Variants in ARL2BP observed in about 807,000 individuals in gnomAD.
The protein encoded by ARL2BP is ARF like GTPase 2 binding protein.
In ARL2BP, 19 loss-of-function variants were observed where a neutral mutation model predicts 24.2. That is an observed-to-expected ratio of 0.79 (90% CI 0.55 to 1.15). The LOEUF is 1.15. ARL2BP is among the 50% of genes most tolerant of loss of function. The pLI, the probability that ARL2BP is intolerant of heterozygous loss-of-function variation, is 0.00. For synonymous variants in ARL2BP, 56 were observed against 70.5 expected (o/e 0.79, Z 1.03); for missense variants, 160 against 190.4 (o/e 0.84, Z 0.94).
chr16:57,245,828 A>G (rs913747977), intron 1 of ARL2BP: 3 of 561,816 alleles, frequency 5.3e-6, no homozygotes, highest in African/African-American at 3.8e-5. Context: ...GGTGATAGCT[A>G]AGAGCCTGGA....
intron 2 of ARL2BP, chr16:57,247,261 T>G (rs1809506365): frequency 1.3e-5 from 2 of 152,256 alleles, no homozygotes; most frequent in Admixed American, 6.5e-5. Flanking sequence ...CATTCAGTTC[T>G]CTTGCCTATT....
rs756180286 is a variant in ARL2BP at position 57,245,366 on chromosome 16, C to A, written c.-2C>A. The A allele has an allele frequency of 8.7e-6, 14 of 1,606,256 alleles. No homozygotes were observed. In the South Asian group the frequency reaches 1.2e-4, roughly 14 times the overall value. Reference sequence around the variant, plus strand: ...GGTTGGAGCCTACTCGGGGCGACTGCGATGGACGCCTTAGAAGGAGAGAGC... The same window carrying A: ...GGTTGGAGCCTACTCGGGGCGACTGAGATGGACGCCTTAGAAGGAGAGAGC... On this transcript the variant is annotated 5_prime_UTR_variant, in exon 1 of 6. An upstream open reading frame in the 5' UTR gains an earlier in-frame stop. Transcript: ENST00000219204.
rs764813306 is a variant in ARL2BP, at chr16:57,249,833, G to C, written c.274G>C (p.Ala92Pro). The C allele has an allele frequency of 1.5e-5, 24 of 1,614,148 alleles. No individual in the cohort carries two copies. Among genetic ancestry groups the C allele is most frequent in the Non-Finnish European group, 2.0e-5 (24 of 1,179,970 alleles). The stretch of plus-strand genomic sequence containing the variant: ...GCGGATTCCTGAGTTCAACATGGCA[G>C]CCTTCACCACAACATTACAGTGAGT... Reference protein sequence around the residue: ...LQRIPEFNMAAFTTTLQHHKD... With the variant: ...LQRIPEFNMAPFTTTLQHHKD... Residue 92 changes from alanine (A) to proline (P), a missense_variant, in exon 4 of 6, where the codon GCC becomes CCC. Physicochemically the swap from Ala to Pro is conservative, Grantham distance 27. Transcript: ENST00000219204.
intron 5 of ARL2BP, chr16:57,251,384 G>C (rs554870139): frequency 2.0e-4 from 31 of 151,748 alleles, no homozygotes; most frequent in African/African-American, 7.3e-4. Flanking sequence ...CTGGGTGACA[G>C]AGTCAGACCC....
rs1410007413 is a variant in ARL2BP at position 57,246,751 on chromosome 16, C to A, written c.100+610C>A. 5.3e-5 allele frequency among the ~76,000 whole-genome samples: 8 copies of A among 152,178 alleles called. 1 individual carries two copies. The highest frequency in any genetic ancestry group is 7.3e-5 in the Non-Finnish European group (5 of 68,036). On this transcript the variant is annotated intron_variant, in intron 2 of 5. Transcript: ENST00000219204. ...CCTGGGAGGTGGAGCTTGCAGTGAT[C>A]CGAGATCGTGCCACTTCACTCCAGC... is the stretch of plus-strand genomic sequence containing the variant.
rs80060722 is a variant in ARL2BP, at chr16:57,252,077, C to G, written c.391-89C>G. The G allele has an allele frequency of 2.7e-3, 3,145 of 1,151,536 alleles. 64 individuals are homozygous for G. The African/African-American group carries it at 0.043, about 16-fold the overall frequency. 71.3% of individuals were successfully genotyped at this position (1,151,536 alleles called of 1,614,324 possible). A position where few individuals can be genotyped will look rare whatever the true frequency, so the allele number is the denominator to read the frequency against. On this transcript the variant is annotated intron_variant, in intron 5 of 5. Coordinates refer to ENST00000219204, the MANE Select transcript of ARL2BP (RefSeq NM_012106.4). ...CTATGTACTCTGGAGGTCCACGTTC[C>G]CACCTTCAGCTCTGCCTTCCCCATG... is the stretch of plus-strand genomic sequence containing the variant.
chr16:57,245,823 TAGCTA>T, intron 1 of ARL2BP: 1 of 559,590 alleles, frequency 1.8e-6, no homozygotes, highest in Non-Finnish European at 3.2e-6. Context: ...TATGGGGTGA[TAGCTA>T]AGAGCCTGGA....
At chr16:57,249,643 C>A (rs1018555948) in intron 3 of ARL2BP, 124 bp from the exon 4 acceptor site, 7 of 734,822 alleles carry the variant, frequency 9.5e-6, no homozygotes, top group Non-Finnish European at 1.7e-5. Flanking sequence ...GTATCCTTGG[C>A]ACTCAGTGTA....
intron 2 of ARL2BP, among the ~76,000 whole-genome samples, chr16:57,246,798 C>T (rs1481298139): frequency 6.6e-6 from 1 of 152,070 alleles, no homozygotes; most frequent in African/African-American, 2.4e-5. Context: ...AGCGAGACTC[C>T]GTCTGGAAAA....
chr16:57,247,458 G>A (rs2075393782), intron 2 of ARL2BP: 1 of 152,026 alleles, frequency 6.6e-6, no homozygotes. Flanking sequence ...GCCAGCGCAG[G>A]TGGATTGCTT....
chr16:57,252,300 T>G lies in ARL2BP; in HGVS notation c.*33T>G, dbSNP rs374786028. ...CTCCAGCCAATGAATGGGATCATTC[T>G]GGATGTCACCAGCCCAATAGGCTCA... On this transcript the variant is annotated 3_prime_UTR_variant, in exon 6 of 6. Coordinates refer to ENST00000219204, the MANE Select transcript of ARL2BP (RefSeq NM_012106.4). 3 of 1,614,196 alleles carry G rather than the reference T, an allele frequency of 1.9e-6. No individual in the cohort carries two copies. In the African/African-American group the frequency reaches 4.0e-5, roughly 22 times the overall value.
At position 57,252,398 on chromosome 16, in the gene ARL2BP, T is replaced by C; in HGVS notation, c.*131T>C. On this transcript the variant is annotated 3_prime_UTR_variant, in exon 6 of 6. Transcript: ENST00000219204. ...ACTCTTCATTTATGTTAAGTATTAA[T>C]AGGTCAAAACCAAAATGACCTAACC... 2 of 1,540,172 alleles carry C rather than the reference T, an allele frequency of 1.3e-6. No individual in the cohort carries two copies. The highest frequency in any genetic ancestry group is 1.2e-5 in the South Asian group (1 of 84,324).
chr16:57,245,498 G>A (rs2075387308), intron 1 of ARL2BP, 93 bp downstream of exon 1: 15 of 1,451,282 alleles, frequency 1.0e-5, no homozygotes, highest in Non-Finnish European at 1.4e-5. Context: ...TGTCCTTAGG[G>A]GCCGGGCCGG....
At chr16:57,250,809 CTT>C (rs2075405202) in intron 5 of ARL2BP, 2 of 307,930 alleles carry the variant, frequency 6.5e-6, no homozygotes, top group Non-Finnish European at 6.1e-6. Flanking sequence ...GAGTTTTGCT[CTT>C]GTCACCCAGG....
intron 5 of ARL2BP, 196 bp from the exon 6 acceptor site, chr16:57,251,970 A>AAAT: frequency 1.8e-6 from 1 of 542,526 alleles, no homozygotes; most frequent in South Asian, 2.3e-5. Context: ...ACCTCTTTAA[A>AAAT]AATAATATTA....
Position 57,245,286 on chromosome 16 carries a change from A to G in ARL2BP, c.-82A>G. On this transcript the variant is annotated 5_prime_UTR_variant, in exon 1 of 6. Coordinates refer to ENST00000219204, the MANE Select transcript of ARL2BP (RefSeq NM_012106.4). ...TGAGCTGGCCGCGGCCTTGGCTGAGAGGCCTTAACCCCGCCGGGCGGCCGC... is the reference window on the plus strand; with the variant it reads ...TGAGCTGGCCGCGGCCTTGGCTGAGGGGCCTTAACCCCGCCGGGCGGCCGC... 1 of 1,522,360 alleles carries G rather than the reference A, an allele frequency of 6.6e-7. No homozygotes were observed. The highest frequency in any genetic ancestry group is 1.2e-5 in the South Asian group (1 of 83,892). 94.3% of individuals were successfully genotyped at this position (1,522,360 alleles called of 1,614,324 possible).
intron 4 of ARL2BP, chr16:57,250,196 T>C: frequency 1.7e-6 from 1 of 602,484 alleles, no homozygotes; most frequent in Non-Finnish European, 2.9e-6. Flanking sequence ...AGGCTGAGGC[T>C]GGAGAATCCC....
intron 4 of ARL2BP, 194 bp downstream of exon 4, chr16:57,250,046 T>G (rs1214344739): frequency 1.6e-6 from 1 of 616,690 alleles, no homozygotes; most frequent in Non-Finnish European, 2.8e-6. Context: ...GTGTTCTCAG[T>G]GCTTTGGGAG....
intron 2 of ARL2BP, among the ~76,000 whole-genome samples, chr16:57,246,577 C>T (rs1002274266): frequency 5.9e-5 from 9 of 151,986 alleles, no homozygotes; most frequent in African/African-American, 1.9e-4. Flanking sequence ...CCGAGGTGGG[C>T]GGATCACGAG....
Sources: gnomAD v4.1 joint callset for allele counts (sites outside exome capture counted in the v4.1 genomes callset) on GRCh38, gnomAD v4.1.1 for gene constraint, MANE v1.5 for transcripts, NCBI Gene and HGNC (gene_info 2026-07-23, HGNC 2026-07-21) for gene names.